Variants in CSMD3 observed in about 807,000 individuals in gnomAD.
CSMD3 encodes the protein CUB and Sushi multiple domains 3.
CSMD3 carries 177 observed loss-of-function variants against 435.2 expected under a neutral mutation model. That is an observed-to-expected ratio of 0.41 (90% CI 0.36 to 0.46). The LOEUF is 0.46. Among genes scored for constraint, CSMD3 ranks in the 20% least tolerant of loss-of-function variants. The probability of loss-of-function intolerance (pLI) is 0.34; values close to 1 mark genes in which losing one functional copy is unlikely to be tolerated. For missense variants in CSMD3, 4,265 were observed against 4,504.6 expected (o/e 0.95, Z 1.52); for synonymous variants, 1,656 against 1,520.5 (o/e 1.09, Z -2.07).
At chr8:113,428,250 ATCTATCT>A (rs2130036721) in intron 1 of CSMD3, among the ~76,000 whole-genome samples, 1 of 133,538 alleles carries the variant, frequency 7.5e-6, no homozygotes, top group East Asian at 2.1e-4. Flanking sequence ...CTATCTATCT[ATCTATCT>A]ATCTTTCTGT....
intron 2 of CSMD3, among the ~76,000 whole-genome samples, chr8:113,279,337 A>G (rs1365672952): frequency 6.6e-6 from 1 of 150,614 alleles, no homozygotes; most frequent in Non-Finnish European, 1.5e-5. Flanking sequence ...TCAATTAAAC[A>G]CCCTGTTTGG....
At chr8:112,497,015 C>G (rs898775666) in intron 30 of CSMD3, among the ~76,000 whole-genome samples, 5 of 152,074 alleles carry the variant, frequency 3.3e-5, no homozygotes, top group African/African-American at 1.2e-4. Context: ...CGTTTACCCT[C>G]GTGTCAGTTA....
chr8:112,632,961 C>A (rs1331961094), intron 22 of CSMD3, among the ~76,000 whole-genome samples: 1 of 151,880 alleles, frequency 6.6e-6, no homozygotes. Context: ...ACTAAAATAT[C>A]ATTTTTTCTG....
chr8:112,951,000 T>G (rs1299069524), intron 8 of CSMD3, among the ~76,000 whole-genome samples: 12 of 151,980 alleles, frequency 7.9e-5, no homozygotes, highest in Non-Finnish European at 1.5e-5. Flanking sequence ...TCTGGACATC[T>G]GCAAGAGGAA....
chr8:112,448,274 C>T (rs1408535582), intron 32 of CSMD3, among the ~76,000 whole-genome samples: 1 of 152,118 alleles, frequency 6.6e-6, no homozygotes, highest in African/African-American at 2.4e-5. Flanking sequence ...AGGGCCCCAC[C>T]TTTATGGCCT....
At chr8:113,361,958 A>G (rs952331870) in intron 1 of CSMD3, among the ~76,000 whole-genome samples, 1 of 152,154 alleles carries the variant, frequency 6.6e-6, no homozygotes, top group Non-Finnish European at 1.5e-5. Context: ...GTCCAATCTC[A>G]AAAGAAAAAT....
chr8:112,315,933 T>C (rs1160080434), intron 47 of CSMD3, among the ~76,000 whole-genome samples: 2 of 151,844 alleles, frequency 1.3e-5, no homozygotes, highest in Non-Finnish European at 3.0e-5. Context: ...ATGTAGTTGC[T>C]GGAATATAAT....
At chr8:112,617,000 T>G (rs956564129) in intron 22 of CSMD3, among the ~76,000 whole-genome samples, 3 of 152,160 alleles carry the variant, frequency 2.0e-5, no homozygotes, top group African/African-American at 7.2e-5. Context: ...TTGTCTCTCC[T>G]TATTACATAA....
In CSMD3 at chr8:112,535,934, T is replaced by C. The variant is rs571869045; in HGVS notation, c.4564+14737A>G. 3.9e-3 allele frequency among the ~76,000 whole-genome samples: 593 copies of C among 152,154 alleles called. 1 individual carries two copies. The highest frequency in any genetic ancestry group is 0.014 in the African/African-American group (567 of 41,534). On this transcript the variant is annotated intron_variant, in intron 27 of 70. Coordinates refer to ENST00000297405, the MANE Select transcript of CSMD3 (RefSeq NM_198123.2). Reference sequence around the variant, plus strand: ...CAAGCAATGGGGAAAGGATTCCCTATTTAATAAATGGTGCTGGGAAAACTG... The same window carrying C: ...CAAGCAATGGGGAAAGGATTCCCTACTTAATAAATGGTGCTGGGAAAACTG...
At chr8:112,488,521 T>C (rs2130831751) in intron 31 of CSMD3, among the ~76,000 whole-genome samples, 1 of 152,320 alleles carries the variant, frequency 6.6e-6, no homozygotes, top group Admixed American at 6.5e-5. Flanking sequence ...CTCCTAGGAA[T>C]CACAGTTAAC....
intron 38 of CSMD3, among the ~76,000 whole-genome samples, chr8:112,365,157 A>C (rs1408728742): frequency 6.6e-6 from 1 of 152,046 alleles, no homozygotes; most frequent in East Asian, 1.9e-4. Context: ...TGTTTGCCTT[A>C]ATTTTCCTAT....
intron 1 of CSMD3, among the ~76,000 whole-genome samples, chr8:113,360,113 A>G (rs1041612271): frequency 6.6e-6 from 1 of 152,178 alleles, no homozygotes; most frequent in Non-Finnish European, 1.5e-5. Flanking sequence ...TTTACTGTAT[A>G]TAGTGTCTGT....
intron 68 of CSMD3, 60 bp downstream of exon 68, chr8:112,234,305 T>C (rs1813367685): frequency 2.7e-6 from 3 of 1,107,544 alleles, no homozygotes; most frequent in Non-Finnish European, 2.8e-6. Context: ...TCTCCTTTCC[T>C]GGACAAGCTA....
At chr8:113,202,965 A>G (rs146898216) in intron 3 of CSMD3, among the ~76,000 whole-genome samples, 9 of 152,256 alleles carry the variant, frequency 5.9e-5, no homozygotes, top group African/African-American at 1.9e-4. Flanking sequence ...TTATGGAATT[A>G]CAGAAGAATA....
intron 5 of CSMD3, 126 bp downstream of exon 5, chr8:113,098,630 T>G (rs1564312488): frequency 1.4e-6 from 1 of 691,862 alleles, no homozygotes; most frequent in Non-Finnish European, 2.6e-6. Context: ...TGACAACCTC[T>G]TCACATAACT....
intron 6 of CSMD3, among the ~76,000 whole-genome samples, chr8:112,991,157 G>T (rs2085443025): frequency 6.6e-6 from 1 of 151,460 alleles, no homozygotes; most frequent in Admixed American, 6.6e-5. Flanking sequence ...AAAATGATAT[G>T]TAGAATTGTT....
At chr8:112,860,943 AT>A (rs2080810900) in intron 10 of CSMD3, among the ~76,000 whole-genome samples, 1 of 151,846 alleles carries the variant, frequency 6.6e-6, no homozygotes, top group Non-Finnish European at 1.5e-5. Flanking sequence ...TAGCTCTCAA[AT>A]CTACATCACC....
intron 2 of CSMD3, among the ~76,000 whole-genome samples, chr8:113,294,855 A>G (rs1345163719): frequency 1.3e-5 from 2 of 152,106 alleles, no homozygotes; most frequent in African/African-American, 4.8e-5. Flanking sequence ...ATAACATCAT[A>G]AATAGTAATG....
intron 1 of CSMD3, among the ~76,000 whole-genome samples, chr8:113,325,743 C>A (rs1350128569): frequency 1.3e-5 from 2 of 152,168 alleles, no homozygotes; most frequent in African/African-American, 4.8e-5. Flanking sequence ...TTTAGGCAAA[C>A]TCACCTGCTC....
Sources: gnomAD v4.1 joint callset for allele counts (sites outside exome capture counted in the v4.1 genomes callset) on GRCh38, gnomAD v4.1.1 for gene constraint, MANE v1.5 for transcripts, NCBI Gene and HGNC (gene_info 2026-07-23, HGNC 2026-07-21) for gene names.